Variants in TRERF1 observed in about 807,000 individuals in gnomAD.
TRERF1 encodes the protein transcriptional-regulating factor 1.
Under a neutral mutation model 122.9 loss-of-function variants are expected in TRERF1, and 27 were observed. The ratio of observed to expected loss-of-function variants is 0.22; its 90% confidence interval spans 0.16 to 0.30. The LOEUF (loss-of-function observed/expected upper bound fraction) is 0.30. TRERF1 is among the 10% of genes least tolerant of loss of function. The probability of loss-of-function intolerance (pLI) is 1.00; values close to 1 mark genes in which losing one functional copy is unlikely to be tolerated. For synonymous variants in TRERF1, 636 were observed against 641.7 expected (o/e 0.99, Z 0.13); for missense variants, 1,248 against 1,560.3 (o/e 0.80, Z 3.37).
At chr6:42,312,748 C>T (rs1245689895) in intron 3 of TRERF1, among the ~76,000 whole-genome samples, 2 of 152,210 alleles carry the variant, frequency 1.3e-5, no homozygotes, top group Non-Finnish European at 2.9e-5. Flanking sequence ...AATTCATCGA[C>T]TCCACACACA....
In TRERF1 at chr6:42,431,117, AG is replaced by A. The variant is rs1358992623; in HGVS notation, c.-454+20059del. ...AAATGTTAATCAATAACTAAAGACA[AG>A]GGAAGAGTAATTTCATTCAGCAAAT... is the stretch of plus-strand genomic sequence containing the variant. On this transcript the variant is annotated intron_variant, in intron 2 of 17. Coordinates refer to ENST00000372922, the Ensembl canonical transcript of TRERF1. Among the ~76,000 whole-genome samples the A allele has an allele frequency of 2.0e-5, 3 of 152,164 alleles. No homozygotes were observed. In the East Asian group the frequency reaches 5.8e-4, roughly 29 times the overall value.
chr6:42,258,172 T>C, exon 10 of TRERF1: 1 of 1,614,136 alleles, frequency 6.2e-7, no homozygotes, highest in Non-Finnish European at 8.5e-7. Context: ...GGCCCTGGGG[T>C]GACCGTCACG....
At chr6:42,357,375 C>T (rs1373625165) in intron 3 of TRERF1, among the ~76,000 whole-genome samples, 4 of 146,886 alleles carry the variant, frequency 2.7e-5, no homozygotes, top group Non-Finnish European at 6.0e-5. Flanking sequence ...CTAGAACATG[C>T]AAGAACTGTG....
At chr6:42,235,308 G>T (rs1281569656) in intron 16 of TRERF1, among the ~76,000 whole-genome samples, 1 of 152,086 alleles carries the variant, frequency 6.6e-6, no homozygotes, top group African/African-American at 2.4e-5. Context: ...TATTTTGAGG[G>T]GTAATCCCTC....
At chr6:42,380,915 G>A (rs1775804563) in intron 2 of TRERF1, among the ~76,000 whole-genome samples, 1 of 152,186 alleles carries the variant, frequency 6.6e-6, no homozygotes, top group South Asian at 2.1e-4. Flanking sequence ...TCTGTCCTGG[G>A]AGAAAGAAAG....
intron 2 of TRERF1, among the ~76,000 whole-genome samples, chr6:42,412,457 T>C (rs1188147420): frequency 6.6e-6 from 1 of 151,992 alleles, no homozygotes; most frequent in Non-Finnish European, 1.5e-5. Context: ...CTTTAGGAGG[T>C]TTGCAGCTCA....
At chr6:42,361,417 G>GT (rs1771740944) in intron 3 of TRERF1, among the ~76,000 whole-genome samples, 1 of 152,094 alleles carries the variant, frequency 6.6e-6, no homozygotes, top group Non-Finnish European at 1.5e-5. Context: ...GTTTTATGTT[G>GT]TTTTTTGGGT....
chr6:42,287,175 G>C (rs1389091891), intron 4 of TRERF1, among the ~76,000 whole-genome samples: 1 of 146,948 alleles, frequency 6.8e-6, no homozygotes, highest in African/African-American at 2.5e-5. Flanking sequence ...ATAGCATCGG[G>C]AGATATACCT....
At chr6:42,419,678 A>T (rs2665389) in intron 2 of TRERF1, among the ~76,000 whole-genome samples, 34,274 of 152,074 alleles carry the variant, frequency 0.23, 5,722 homozygotes, top group African/African-American at 0.48. Flanking sequence ...GATTTGGAGA[A>T]TGTCCTATAC....
In TRERF1 at chr6:42,259,729, AC is replaced by A. The variant is rs1181364420; in HGVS notation, c.1885-7del. The stretch of plus-strand genomic sequence containing the variant: ...TGATGCTTCCTGGGGATTTCCTAAA[AC>A]CGGAACAACGATCTGATTCGAATAC... On this transcript the variant is annotated splice_region_variant and splice_polypyrimidine_tract_variant and intron_variant, in intron 8 of 17. Coordinates refer to ENST00000372922, the Ensembl canonical transcript of TRERF1. This position sits in a 1 kb window ranked among gnomAD's most constrained non-coding sequence, Gnocchi z 4.9. 8 of 1,600,564 alleles carry A rather than the reference AC, an allele frequency of 5.0e-6. No individual in the cohort carries two copies. The highest frequency in any genetic ancestry group is 6.8e-6 in the Non-Finnish European group (8 of 1,179,900).
intron 3 of TRERF1, among the ~76,000 whole-genome samples, chr6:42,342,533 T>C (rs1301473187): frequency 1.3e-5 from 2 of 152,074 alleles, no homozygotes; most frequent in East Asian, 3.9e-4. Flanking sequence ...TAAATCTATT[T>C]TCTAACTATG....
At chr6:42,226,541 CT>C (rs1317628009) in exon 18 of TRERF1, 4 of 121,042 alleles carry the variant, frequency 3.3e-5, no homozygotes, top group African/African-American at 8.5e-5. Context: ...GCAAATGAAA[CT>C]TTTTTCCCCC....
At chr6:42,449,106 A>G (rs76037408) in intron 2 of TRERF1, among the ~76,000 whole-genome samples, 2,173 of 152,356 alleles carry the variant, frequency 0.014, 17 homozygotes, top group African/African-American at 0.021. Flanking sequence ...CACAGTTCAT[A>G]GAACAACTGT....
At chr6:42,325,056 GA>G (rs1023059671) in intron 3 of TRERF1, among the ~76,000 whole-genome samples, 3 of 150,650 alleles carry the variant, frequency 2.0e-5, no homozygotes, top group Non-Finnish European at 4.4e-5. Context: ...AAATCAACAA[GA>G]AAAAAAACAA....
intron 3 of TRERF1, among the ~76,000 whole-genome samples, chr6:42,347,766 C>T (rs573940185): frequency 5.3e-4 from 81 of 152,318 alleles, no homozygotes; most frequent in African/African-American, 1.8e-3. Context: ...TAAAGCAATT[C>T]GCAAACCACC....
chr6:42,342,570 CA>C (rs1279554335), intron 3 of TRERF1, among the ~76,000 whole-genome samples: 1 of 149,608 alleles, frequency 6.7e-6, no homozygotes, highest in African/African-American at 2.5e-5. Context: ...GCTCCAGGCT[CA>C]AAAAAAAAGA....
At chr6:42,293,169 A>G (rs1784567202) in intron 4 of TRERF1, among the ~76,000 whole-genome samples, 2 of 152,196 alleles carry the variant, frequency 1.3e-5, no homozygotes, top group South Asian at 4.1e-4. Flanking sequence ...CCAGCCTCAC[A>G]GACGTGGAAA....
intron 10 of TRERF1, among the ~76,000 whole-genome samples, chr6:42,257,631 G>T (rs926043957): frequency 1.3e-5 from 2 of 152,150 alleles, no homozygotes; most frequent in South Asian, 4.1e-4. Context: ...TAGGTTTTTT[G>T]ATTCCTGACT....
At chr6:42,403,870 T>G (rs903299039) in intron 2 of TRERF1, among the ~76,000 whole-genome samples, 1 of 152,184 alleles carries the variant, frequency 6.6e-6, no homozygotes, top group Admixed American at 6.5e-5. Context: ...TGTCCATGCT[T>G]TCCCTGCCCA....
Sources: gnomAD v4.1 joint callset for allele counts (sites outside exome capture counted in the v4.1 genomes callset) on GRCh38, gnomAD v4.1.1 for gene constraint, Gnocchi (gnomAD v3.1) non-coding constraint, MANE v1.5 for transcripts, NCBI Gene and HGNC (gene_info 2026-07-23, HGNC 2026-07-21) for gene names.